Variants in PGM2 observed in about 807,000 individuals in gnomAD.
The protein encoded by PGM2 is phosphopentomutase.
A neutral mutation model predicts 74.6 loss-of-function variants in PGM2; 57 were observed. That is an observed-to-expected ratio of 0.76 (90% confidence interval 0.62 to 0.95). The LOEUF (loss-of-function observed/expected upper bound fraction) is 0.95. PGM2 is among the 40% of genes least tolerant of loss of function. The probability of loss-of-function intolerance (pLI) is 0.00; values close to 1 mark genes in which losing one functional copy is unlikely to be tolerated. For missense variants in PGM2, 706 were observed against 741.9 expected (o/e 0.95, Z 0.56); for synonymous variants, 273 against 260.7 (o/e 1.05, Z -0.46).
At chr4:37,847,560 A>T (rs990045845) in intron 10 of PGM2, 2 of 398,846 alleles carry the variant, frequency 5.0e-6, no homozygotes, top group Non-Finnish European at 4.7e-6. Context: ...CTGCCGGTAC[A>T]TGTATTTTGG....
intron 1 of PGM2, 82 bp from the exon 2 acceptor site, chr4:37,829,882 G>C: frequency 1.7e-6 from 1 of 605,754 alleles, no homozygotes; most frequent in Non-Finnish European, 2.7e-6. Flanking sequence ...ATTTTCTATA[G>C]ATTAGAATGA....
chr4:37,861,826 G>A lies in PGM2; in HGVS notation c.*214G>A, dbSNP rs1172956084. 3 of 409,778 alleles carry A rather than the reference G, an allele frequency of 7.3e-6. No individual in the cohort carries two copies. 25.4% of individuals were successfully genotyped at this position (409,778 alleles called of 1,614,324 possible). On this transcript the variant is annotated 3_prime_UTR_variant, in exon 14 of 14. Coordinates refer to ENST00000381967, the MANE Select transcript of PGM2 (RefSeq NM_018290.4). ...ACTAACATTCCTACTAAAAAGTTGA[G>A]CTTGGACATATTTTGAATTTTTGTA...
chr4:37,831,340 T>G (rs1725439811), intron 2 of PGM2, among the ~76,000 whole-genome samples: 1 of 152,210 alleles, frequency 6.6e-6, no homozygotes, highest in Admixed American at 6.5e-5. Context: ...ACATAGGAAC[T>G]GTGCTGCTGA....
Position 37,862,714 on chromosome 4 carries a change from T to C in PGM2, c.*1102T>C, listed in dbSNP as rs1711820433. The C allele has an allele frequency of 6.6e-6, 1 of 152,084 alleles. No homozygotes were observed. Among genetic ancestry groups the C allele is most frequent in the African/African-American group, 2.4e-5 (1 of 41,422 alleles). The allele number at this position is 152,084 out of a possible 1,614,324, so 9.4% of individuals were successfully genotyped here. A position where few individuals can be genotyped will look rare whatever the true frequency, so the allele number is the denominator to read the frequency against. ...TTATGATTACACTCAACCTAAATAG[T>C]TATGAACAGTTTCAGAACAATGAAA... is the stretch of plus-strand genomic sequence containing the variant. On this transcript the variant is annotated 3_prime_UTR_variant, in exon 14 of 14. Coordinates refer to ENST00000381967, the MANE Select transcript of PGM2 (RefSeq NM_018290.4).
chr4:37,852,589 C>A (rs927824002), intron 12 of PGM2, among the ~76,000 whole-genome samples: 1 of 152,220 alleles, frequency 6.6e-6, no homozygotes, highest in Non-Finnish European at 1.5e-5. Context: ...TCTGTCCTCA[C>A]ACTTCACTGA....
At chr4:37,847,570 G>T in intron 10 of PGM2, 1 of 384,102 alleles carries the variant, frequency 2.6e-6, no homozygotes. Context: ...ATGTATTTTG[G>T]GAGTTGTGAT....
intron 4 of PGM2, chr4:37,839,406 C>A (rs1418930837): frequency 3.2e-5 from 12 of 377,556 alleles, no homozygotes; most frequent in Non-Finnish European, 6.3e-5. Context: ...TGAGACACCA[C>A]CCCTGGCCCC....
Position 37,850,288 on chromosome 4 carries a change from A to G in PGM2, c.1517A>G (p.Tyr506Cys), listed in dbSNP as rs767117630. 6.3e-7 allele frequency: 1 copy of G among 1,592,726 alleles called. No homozygotes were observed. The highest frequency in any genetic ancestry group is 1.4e-5 in the African/African-American group (1 of 73,276). ...AGAAACTACGATGGAAAAAATAATT[A>G]TCCAAAAGCTTGTGGCAAATTTGAA... ...NLRNYDGKNNYPKACGKFEIS... is the reference protein window; with the variant it reads ...NLRNYDGKNNCPKACGKFEIS... The change falls in exon 12 of 14, where the codon TAT becomes TGT. Residue 506 changes from tyrosine to cysteine, a missense_variant. This residue lies in a region of PGM2 where 359 missense variants were observed against 371.1 expected (regional missense o/e 0.97). Coordinates refer to ENST00000381967, the MANE Select transcript of PGM2 (RefSeq NM_018290.4).
rs34512739 is a variant in PGM2, at chr4:37,841,158, TTGTGTG to T, written c.719+924_719+929del. ...ACTTCAAAACCATAAATAGGAATAT[TTGTGTG>T]TGTGTGTGTGTGTGTGTGTGTGTGG... is the stretch of plus-strand genomic sequence containing the variant. On this transcript the variant is annotated intron_variant, in intron 6 of 13. Transcript: ENST00000381967. Among the ~76,000 whole-genome samples the T allele has an allele frequency of 1.8e-4, 18 of 101,474 alleles. 1 individual carries two copies. In the Middle Eastern group the frequency reaches 0.016, roughly 89 times the overall value. The allele number at this position is 101,474 out of a possible 152,430, so 66.6% of individuals were successfully genotyped here. A position where few individuals can be genotyped will look rare whatever the true frequency, so the allele number is the denominator to read the frequency against.
At chr4:37,851,409 G>A (rs1357244149) in intron 12 of PGM2, among the ~76,000 whole-genome samples, 2 of 152,210 alleles carry the variant, frequency 1.3e-5, no homozygotes, top group East Asian at 1.9e-4. Flanking sequence ...GCCTGAGTTT[G>A]CATTCTTTAC....
chr4:37,834,489 A>G (rs1725514187), intron 2 of PGM2, 129 bp from the exon 3 acceptor site: 1 of 524,772 alleles, frequency 1.9e-6, no homozygotes, highest in Non-Finnish European at 3.4e-6. Flanking sequence ...CCTTACTGAG[A>G]TGAATTTTTC....
chr4:37,834,240 AG>A (rs1384829948), intron 2 of PGM2, among the ~76,000 whole-genome samples: 3 of 72,938 alleles, frequency 4.1e-5, no homozygotes, highest in East Asian at 3.6e-4. Context: ...AGGCTGAGGT[AG>A]GGGGGGATTG....
At chr4:37,847,810 G>A (rs1725918609) in intron 10 of PGM2, among the ~76,000 whole-genome samples, 2 of 152,208 alleles carry the variant, frequency 1.3e-5, no homozygotes, top group Non-Finnish European at 2.9e-5. Context: ...TAAATGAACA[G>A]AAAGGAGAAC....
intron 1 of PGM2, among the ~76,000 whole-genome samples, chr4:37,827,937 A>C (rs1725340995): frequency 6.6e-6 from 1 of 152,106 alleles, no homozygotes; most frequent in Non-Finnish European, 1.5e-5. Flanking sequence ...CTCTATTCTC[A>C]CTACCTTGGT....
Position 37,845,613 on chromosome 4 carries a change from AT to A in PGM2, c.910-16del. The A allele has an allele frequency of 2.0e-6, 3 of 1,517,052 alleles. No homozygotes were observed. The highest frequency in any genetic ancestry group is 2.7e-6 in the Non-Finnish European group (3 of 1,091,732). The allele number at this position is 1,517,052 out of a possible 1,614,324, so 94.0% of individuals were successfully genotyped here. On this transcript the variant is annotated intron_variant, in intron 7 of 13. Transcript: ENST00000381967. ...TCGATTCTTGATTAAATAATCTTTT[AT>A]TTTCATATTCTTCTTCAGACTTTGT...
At chr4:37,832,019 G>A (rs1390812519) in intron 2 of PGM2, among the ~76,000 whole-genome samples, 1 of 152,144 alleles carries the variant, frequency 6.6e-6, no homozygotes, top group South Asian at 2.1e-4. Flanking sequence ...ATAATGAAAT[G>A]TATTCCCATT....
At chr4:37,853,779 A>G (rs954333867) in intron 12 of PGM2, among the ~76,000 whole-genome samples, 2 of 152,122 alleles carry the variant, frequency 1.3e-5, no homozygotes, top group Non-Finnish European at 2.9e-5. Context: ...GAGGACTTCT[A>G]CTTGATCCCT....
At chr4:37,860,572 T>C (rs2152183073) in intron 13 of PGM2, among the ~76,000 whole-genome samples, 1 of 152,358 alleles carries the variant, frequency 6.6e-6, no homozygotes, top group South Asian at 2.1e-4. Flanking sequence ...GCTATTACAG[T>C]ACTGTTTAGC....
At position 37,844,368 on chromosome 4, in the gene PGM2, G is replaced by A. The variant is rs769078682; in HGVS notation, c.724G>A (p.Val242Met). The A allele has an allele frequency of 2.1e-5, 33 of 1,602,582 alleles. No individual in the cohort carries two copies. Among genetic ancestry groups the A allele is most frequent in the Middle Eastern group, 3.3e-4 (2 of 6,036 alleles). ...CCACTGTGTATCTGATTCTAGGAGC[G>A]TGAACAGGGAGACAAAGGTGAAGTT... ...DLKKYCFHRS[V>M]NRETKVKFVH... Residue 242 changes from valine to methionine, a missense_variant, in exon 7 of 14, where the codon GTG (valine) becomes ATG (methionine). Transcript: ENST00000381967.
Sources: allele counts gnomAD v4.1 joint callset (sites outside exome capture counted in the v4.1 genomes callset), GRCh38; gene constraint gnomAD v4.1.1; regional missense constraint gnomAD v4.1.1; transcripts MANE v1.5; gene names NCBI Gene and HGNC (gene_info 2026-07-23, HGNC 2026-07-21).